The following VWF variants were observed in gnomAD, a reference collection of about 807,000 sequenced individuals.
VWF encodes Factor VIII related antigen.
A neutral mutation model predicts 308.6 loss-of-function variants in VWF; 176 were observed. The ratio of observed to expected loss-of-function variants is 0.57; its 90% CI spans 0.50 to 0.65. The LOEUF (loss-of-function observed/expected upper bound fraction) is 0.65. Among genes scored for constraint, VWF ranks in the 30% least tolerant of loss-of-function variants. VWF has a pLI of 0.00. For synonymous variants in VWF, 1,385 were observed against 1,443.4 expected, an observed-to-expected ratio of 0.96 and a Z score of 0.92; for missense variants, 3,146 against 3,648.2, an observed-to-expected ratio of 0.86 and a Z score of 3.55.
intron 34 of VWF, among the ~76,000 whole-genome samples, chr12:5,996,654 G>A (rs1016735277): frequency 6.0e-5 from 9 of 150,654 alleles, no homozygotes; most frequent in East Asian, 3.9e-4. Context: ...CTAAAGACAC[G>A]TGTCCTTTCA....
intron 6 of VWF, among the ~76,000 whole-genome samples, chr12:6,094,565 A>G (rs1945084125): frequency 1.3e-5 from 2 of 152,210 alleles, no homozygotes; most frequent in South Asian, 4.1e-4. Context: ...TACGTCCTCC[A>G]AAATCCATGT....
Position 6,044,425 on chromosome 12 carries a change from G to A in VWF, c.2308C>T (p.Pro770Ser), listed in dbSNP as rs149051646. ...GCGGGACACACCAGCTTGACCATGGGGGGCCGACAGGATAGGCTCCTTTTG... is the reference window on the plus strand; with the variant it reads ...GCGGGACACACCAGCTTGACCATGGAGGGCCGACAGGATAGGCTCCTTTTG... Reference protein sequence around the residue: ...RSKRSLSCRPPMVKLVCPADN... With the variant: ...RSKRSLSCRPSMVKLVCPADN... Residue 770 changes from proline to serine, a missense_variant, in exon 18 of 52, where the codon CCC becomes TCC. This residue lies in a region of VWF where 1,304 missense variants were observed against 1,353.0 expected (regional missense o/e 0.96). Coordinates refer to ENST00000261405, the MANE Select transcript of VWF (RefSeq NM_000552.5). The A allele has an allele frequency of 2.1e-5, 34 of 1,614,192 alleles. No individual in the cohort carries two copies. The East Asian group carries it at 5.6e-4, about 26-fold the overall frequency.
intron 34 of VWF, among the ~76,000 whole-genome samples, chr12:6,008,235 C>CAAT (rs1273540412): frequency 1.3e-5 from 2 of 151,980 alleles, no homozygotes; most frequent in Non-Finnish European, 2.9e-5. Context: ...AACTACAAGT[C>CAAT]AATATTCCTG....
chr12:6,112,818 A>G (rs1945322679), intron 3 of VWF, among the ~76,000 whole-genome samples: 1 of 143,062 alleles, frequency 7.0e-6, no homozygotes, highest in South Asian at 2.1e-4. Context: ...CCACACACAC[A>G]GACACACAGA....
intron 47 of VWF, among the ~76,000 whole-genome samples, chr12:5,960,263 C>T (rs1247367024): frequency 6.6e-6 from 1 of 151,828 alleles, no homozygotes; most frequent in Admixed American, 6.6e-5. Flanking sequence ...ATTTGACCAA[C>T]TTAAATACAC....
At chr12:5,972,521 G>A (rs151166904) in intron 43 of VWF, among the ~76,000 whole-genome samples, 23 of 152,290 alleles carry the variant, frequency 1.5e-4, no homozygotes, top group African/African-American at 5.1e-4. Flanking sequence ...TGTTCAGGAC[G>A]GGTGTGGATG....
intron 34 of VWF, among the ~76,000 whole-genome samples, chr12:6,000,811 CAAAAA>C (rs71064181): frequency 2.9e-5 from 2 of 69,804 alleles, no homozygotes; most frequent in Non-Finnish European, 2.6e-5. Flanking sequence ...GACTCTGTCT[CAAAAA>C]AAAAAAAAAA....
At chr12:6,052,961 C>G (rs185690660) in intron 15 of VWF, among the ~76,000 whole-genome samples, 178 bp from the exon 16 acceptor site, 3 of 152,212 alleles carry the variant, frequency 2.0e-5, no homozygotes, top group Non-Finnish European at 4.4e-5. Context: ...CCCATGTACC[C>G]TTTACCCAGT....
chr12:6,000,421 GC>G (rs1943857705), intron 34 of VWF, among the ~76,000 whole-genome samples: 1 of 152,218 alleles, frequency 6.6e-6, no homozygotes, highest in African/African-American at 2.4e-5. Context: ...TCTGTATTCA[GC>G]CAAGGTGCCC....
chr12:6,005,946 T>C (rs1187701605), intron 34 of VWF, among the ~76,000 whole-genome samples: 5 of 151,650 alleles, frequency 3.3e-5, no homozygotes, highest in Non-Finnish European at 2.9e-5. Flanking sequence ...TAAAGGTAAA[T>C]ATATAAACAA....
Position 6,056,863 on chromosome 12 carries a change from G to C in VWF, c.1939C>G (p.Arg647Gly), listed in dbSNP as rs976240876. 3.5e-6 allele frequency: 5 copies of C among 1,449,082 alleles called. No individual in the cohort carries two copies. The African/African-American group carries it at 5.9e-5, about 17-fold the overall frequency. The allele number at this position is 1,449,082 out of a possible 1,614,324, so 89.8% of individuals were successfully genotyped here. ...GGGCAGGGAGGGCACGCACCACAGC[G>C]GCCTGGCTCGCGCCACGCGACGCGC... ...GVRVAWREPG[R>G]CELNCPKGQV... The change falls in exon 15 of 52, where the codon CGC (arginine) becomes GGC (glycine). Residue 647 changes from arginine (R) to glycine (G), a missense_variant. Around this residue, in one of 3 missense-constraint regions of VWF, gnomAD observed 1,304 missense variants for 1,353.0 expected, o/e 0.96. Coordinates refer to ENST00000261405, the MANE Select transcript of VWF (RefSeq NM_000552.5).
At chr12:6,052,519 C>T (rs1237311992) in intron 16 of VWF, 24 bp downstream of exon 16, 3 of 1,614,136 alleles carry the variant, frequency 1.9e-6, no homozygotes, top group East Asian at 4.5e-5. Context: ...TTTAGAGGTC[C>T]CTGACACTGC....
At chr12:6,108,210 C>T (rs1292375483) in intron 5 of VWF, among the ~76,000 whole-genome samples, 1 of 151,000 alleles carries the variant, frequency 6.6e-6, no homozygotes, top group Non-Finnish European at 1.5e-5. Context: ...AGAAGAATCG[C>T]TTGAATCTGG....
At chr12:6,093,068 T>G (rs994267077) in intron 6 of VWF, among the ~76,000 whole-genome samples, 31 of 152,054 alleles carry the variant, frequency 2.0e-4, no homozygotes, top group African/African-American at 7.0e-4. Flanking sequence ...CAACTCTGAA[T>G]AAGAAAAGCT....
intron 5 of VWF, among the ~76,000 whole-genome samples, chr12:6,103,559 C>G (rs1440334370): frequency 1.8e-5 from 2 of 113,524 alleles, no homozygotes; most frequent in Non-Finnish European, 3.2e-5. Flanking sequence ...CACACACACA[C>G]ACACACACAC....
At chr12:6,064,174 A>T (rs1944686014) in intron 12 of VWF, 72 bp downstream of exon 12, 2 of 1,610,910 alleles carry the variant, frequency 1.2e-6, no homozygotes, top group African/African-American at 2.7e-5. Flanking sequence ...GACAGTGGCC[A>T]GGGTTGAGAA....
Position 5,976,165 on chromosome 12 carries a change from C to T in VWF, c.7383G>A (p.Met2461Ile), listed in dbSNP as rs1943530867. The change falls in exon 43 of 52, where the codon ATG becomes ATA. Residue 2461 changes from methionine to isoleucine, a missense_variant. Physicochemically the swap from Met to Ile is conservative, Grantham distance 10 (BLOSUM62 1). This residue lies in a region of VWF where 989 missense variants were observed against 1,117.4 expected (regional missense o/e 0.89). Coordinates refer to ENST00000261405, the MANE Select transcript of VWF (RefSeq NM_000552.5). ...CTCTDMEDAV[M>I]GLRVAQCSQK... ...GGGAGCACTGGGCCACGCGGAGGCC[C>T]ATCACGGCATCCTCCATGTCGGTGC... 2 of 1,614,150 alleles carry T rather than the reference C, an allele frequency of 1.2e-6. No homozygotes were observed. The highest frequency in any genetic ancestry group is 1.7e-4 in the Middle Eastern group (1 of 6,050).
rs752865231 is a variant in VWF, at chr12:5,969,324, T to A, written c.7616A>T (p.Glu2539Val). Residue 2539 changes from glutamate (E) to valine (V), a missense_variant, in exon 45 of 52, where the codon GAG (glutamate) becomes GTG (valine). Glu to Val is a moderately radical substitution (Grantham distance 121). Transcript: ENST00000261405. ...LINECVRVKE[E>V]VFIQQRNVSC... is the part of the protein sequence containing the mutation. ...GACGTTCCTTTGTTGTATAAAGACC[T>A]CCTCCTTCACTCGGACACACTCATT... 1.9e-6 allele frequency: 3 copies of A among 1,614,150 alleles called. No individual in the cohort carries two copies. The highest frequency in any genetic ancestry group is 2.5e-6 in the Non-Finnish European group (3 of 1,180,032).
In VWF at chr12:5,984,531, G is replaced by A. The variant is rs140082031; in HGVS notation, c.6976+514C>T. Among the ~76,000 whole-genome samples the A allele has an allele frequency of 9.3e-4, 141 of 152,336 alleles. 1 individual carries two copies. Among genetic ancestry groups the A allele is most frequent in the African/African-American group, 3.2e-3 (133 of 41,570 alleles). On this transcript the variant is annotated intron_variant, in intron 40 of 51. Transcript: ENST00000261405. Reference sequence around the variant, plus strand: ...TACAAGCAATAAACACACTGGACAGGACTGGGACAAAGGCACTAATGATTT... The same window carrying A: ...TACAAGCAATAAACACACTGGACAGAACTGGGACAAAGGCACTAATGATTT...
Sources: gnomAD v4.1 joint callset for allele counts (sites outside exome capture counted in the v4.1 genomes callset) on GRCh38, gnomAD v4.1.1 for gene constraint, gnomAD v4.1.1 regional missense constraint, MANE v1.5 for transcripts, NCBI Gene and HGNC (gene_info 2026-07-23, HGNC 2026-07-21) for gene names.